Variants in RASGRP1 observed in about 807,000 individuals in gnomAD.
RASGRP1 encodes RAS guanyl releasing protein 1, also known as RAS guanyl-releasing protein 1.
RASGRP1 carries 37 observed loss-of-function variants against 95.1 expected under a neutral mutation model. That is an observed-to-expected ratio of 0.39 (90% CI 0.30 to 0.51). RASGRP1 has a LOEUF of 0.51. RASGRP1 is among the 20% of genes least tolerant of loss of function. The probability of loss-of-function intolerance (pLI) is 0.80; values close to 1 mark genes in which losing one functional copy is unlikely to be tolerated. For synonymous variants in RASGRP1, 325 were observed against 353.4 expected (o/e 0.92, Z 0.90); for missense variants, 711 against 965.4 (o/e 0.74, Z 3.49).
In RASGRP1 at chr15:38,498,962, C is replaced by A. The variant is rs1233113845; in HGVS notation, c.1721-16G>T. On this transcript the variant is annotated splice_polypyrimidine_tract_variant and intron_variant, in intron 14 of 16. Coordinates refer to ENST00000310803, the MANE Select transcript of RASGRP1 (RefSeq NM_005739.4). ...ATCCCGCAGTCTGTGGACAAGACAT[C>A]CTGGGTCAAGAAGTCTTTCACTTTT... The A allele has an allele frequency of 6.2e-7, 1 of 1,613,944 alleles. No homozygotes were observed. Among genetic ancestry groups the A allele is most frequent in the African/African-American group, 1.3e-5 (1 of 75,050 alleles).
chr15:38,558,509 G>A (rs371964007), intron 2 of RASGRP1, among the ~76,000 whole-genome samples: 13 of 152,162 alleles, frequency 8.5e-5, no homozygotes, highest in Non-Finnish European at 1.6e-4. Flanking sequence ...AATGATTCGC[G>A]AAGTGCGCTT....
rs781161481 is a variant in RASGRP1 at position 38,526,304 on chromosome 15, G to T, written c.321C>A (p.Ile107=). 2.5e-6 allele frequency: 4 copies of T among 1,611,676 alleles called. No individual in the cohort carries two copies. Among genetic ancestry groups the T allele is most frequent in the South Asian group, 2.2e-5 (2 of 91,024 alleles). ...ISSAELLQKV[I]TLYKDALAKN... The stretch of plus-strand genomic sequence containing the variant: ...GTCACTATGTTAAAGGATATAGGGT[G>T]ATAACTTTTTGGAGCAGTTCTGCAG... Residue 107 remains isoleucine, a synonymous_variant, in exon 3 of 17, where the codon ATC becomes ATA. Transcript: ENST00000310803.
At position 38,564,632 on chromosome 15, in the gene RASGRP1, C is replaced by A. The variant is rs1229225198; in HGVS notation, c.-4G>T. On this transcript the variant is annotated 5_prime_UTR_variant, in exon 1 of 17. Transcript: ENST00000310803. ...TCGCCTTGCCCAGGGTGCCCATGGC[C>A]GCGGCCCGCGCTCCCGGTGCCGGCT... The A allele has an allele frequency of 3.0e-6, 4 of 1,338,118 alleles. No individual in the cohort carries two copies. The highest frequency in any genetic ancestry group is 2.9e-6 in the Non-Finnish European group (3 of 1,036,150). 82.9% of individuals were successfully genotyped at this position (1,338,118 alleles called of 1,614,324 possible).
intron 7 of RASGRP1, 94 bp from the exon 8 acceptor site, chr15:38,511,814 T>A: frequency 1.2e-6 from 1 of 846,624 alleles, no homozygotes; most frequent in Non-Finnish European, 1.9e-6. Context: ...GCCGTGAGTC[T>A]CCCTTACGCT....
intron 2 of RASGRP1, among the ~76,000 whole-genome samples, chr15:38,535,132 G>C (rs919720568): frequency 1.3e-5 from 2 of 152,164 alleles, no homozygotes; most frequent in Non-Finnish European, 2.9e-5. Context: ...AGAACCATGA[G>C]CTGAAATTTA....
At chr15:38,544,564 T>C (rs1252654789) in intron 2 of RASGRP1, among the ~76,000 whole-genome samples, 1 of 152,236 alleles carries the variant, frequency 6.6e-6, no homozygotes, top group Admixed American at 6.5e-5. Context: ...GGCCCCCTTC[T>C]TCTCTGTCTT....
intron 2 of RASGRP1, among the ~76,000 whole-genome samples, chr15:38,550,359 TACAAAATAAAA>T (rs1364613640): frequency 6.6e-6 from 1 of 152,056 alleles, no homozygotes; most frequent in Non-Finnish European, 1.5e-5. Flanking sequence ...TTCACTGTAA[TACAAAATAAAA>T]AAAAGTTCAC....
At chr15:38,543,210 T>A (rs1306164180) in intron 2 of RASGRP1, among the ~76,000 whole-genome samples, 3 of 152,250 alleles carry the variant, frequency 2.0e-5, no homozygotes, top group African/African-American at 7.2e-5. Flanking sequence ...TCATCTCATT[T>A]TTTGTGTATG....
intron 2 of RASGRP1, among the ~76,000 whole-genome samples, chr15:38,548,626 C>G (rs774476165): frequency 5.3e-5 from 8 of 149,814 alleles, no homozygotes; most frequent in Non-Finnish European, 1.2e-4. Context: ...AGCAAAACAA[C>G]GTAAGGGACC....
At chr15:38,514,930 G>C (rs529388683) in intron 6 of RASGRP1, among the ~76,000 whole-genome samples, 28 of 152,264 alleles carry the variant, frequency 1.8e-4, no homozygotes, top group African/African-American at 6.0e-4. Flanking sequence ...GGGAGGCACT[G>C]CCAAATGGGA....
rs8040845 is a variant in RASGRP1 at position 38,561,012 on chromosome 15, T to C, written c.36-1007A>G. On this transcript the variant is annotated intron_variant, in intron 1 of 16. Transcript: ENST00000310803. ...GATCCATATCTATAATCTTTTATGG[T>C]TTAATAGTGATGAGTGTTGCTGGTA... is the stretch of plus-strand genomic sequence containing the variant. Among the ~76,000 whole-genome samples the C allele has an allele frequency of 4.8e-3, 731 of 152,336 alleles. 4 individuals carry two copies. Among genetic ancestry groups the C allele is most frequent in the African/African-American group, 0.017 (702 of 41,572 alleles).
chr15:38,555,417 C>T (rs1893513982), intron 2 of RASGRP1, among the ~76,000 whole-genome samples: 1 of 152,162 alleles, frequency 6.6e-6, no homozygotes, highest in African/African-American at 2.4e-5. Context: ...ACTGGGGAGA[C>T]ACCAGGATTG....
intron 2 of RASGRP1, among the ~76,000 whole-genome samples, chr15:38,543,822 C>T (rs1230802479): frequency 1.3e-5 from 2 of 151,912 alleles, no homozygotes; most frequent in Non-Finnish European, 2.9e-5. Context: ...AATCCTCCAA[C>T]ATATTTATTT....
chr15:38,528,241 A>G (rs1274226991), intron 2 of RASGRP1, among the ~76,000 whole-genome samples: 1 of 151,976 alleles, frequency 6.6e-6, no homozygotes, highest in Non-Finnish European at 1.5e-5. Context: ...TGCATCTCCA[A>G]TTCAAAACCA....
At chr15:38,540,571 A>G (rs1309558611) in intron 2 of RASGRP1, among the ~76,000 whole-genome samples, 1 of 152,216 alleles carries the variant, frequency 6.6e-6, no homozygotes, top group East Asian at 1.9e-4. Context: ...GGGTAAAAAG[A>G]GGAGGCAAGA....
intron 16 of RASGRP1, among the ~76,000 whole-genome samples, chr15:38,492,266 CTGT>C (rs1270843468): frequency 6.6e-6 from 1 of 152,150 alleles, no homozygotes; most frequent in African/African-American, 2.4e-5. Flanking sequence ...TCCAGAAAAT[CTGT>C]TGTTCTTTTT....
At chr15:38,536,997 A>G (rs7495953) in intron 2 of RASGRP1, among the ~76,000 whole-genome samples, 14,757 of 152,210 alleles carry the variant, frequency 0.097, 2,427 homozygotes, top group African/African-American at 0.34. Context: ...GTGATGAATT[A>G]TTCTTATTTC....
chr15:38,501,851 G>GTTT (rs1595826255), intron 12 of RASGRP1, among the ~76,000 whole-genome samples: 1 of 145,316 alleles, frequency 6.9e-6, no homozygotes, highest in East Asian at 2.1e-4. Flanking sequence ...GTTCAATTCA[G>GTTT]TTTTTGTTTT....
At chr15:38,506,480 C>T (rs1275648384) in intron 9 of RASGRP1, among the ~76,000 whole-genome samples, 4 of 151,830 alleles carry the variant, frequency 2.6e-5, no homozygotes, top group African/African-American at 9.7e-5. Flanking sequence ...ACAAAAAATA[C>T]AAAAGTTAAC....
Sources: gnomAD v4.1 joint callset for allele counts (sites outside exome capture counted in the v4.1 genomes callset) on GRCh38, gnomAD v4.1.1 for gene constraint, MANE v1.5 for transcripts, NCBI Gene and HGNC (gene_info 2026-07-23, HGNC 2026-07-21) for gene names.